ANAPC5: variants seen among roughly 807,000 people sequenced by gnomAD.
ANAPC5 encodes the protein anaphase promoting complex subunit 5, also known as anaphase-promoting complex subunit 5.
Under a neutral mutation model 91.3 loss-of-function variants are expected in ANAPC5, and 60 were observed. The observed-to-expected ratio is 0.66, with a 90% CI of 0.53 to 0.81. The LOEUF (loss-of-function observed/expected upper bound fraction) is 0.81. Ranked by LOEUF, ANAPC5 falls within the 40% of genes least tolerant of loss-of-function variation. The pLI, the probability that ANAPC5 is intolerant of heterozygous loss-of-function variation, is 0.00. For synonymous variants in ANAPC5, 340 were observed against 364.1 expected (o/e 0.93, Z 0.75); for missense variants, 690 against 931.5 (o/e 0.74, Z 3.37).
intron 15 of ANAPC5, among the ~76,000 whole-genome samples, chr12:121,316,121 A>C (rs1379213411): frequency 2.0e-5 from 3 of 152,230 alleles, no homozygotes; most frequent in Admixed American, 6.5e-5. Flanking sequence ...TTAGTTAAAA[A>C]ACAGGTAAAG....
chr12:121,337,558 C>T (rs1289510329), intron 5 of ANAPC5, among the ~76,000 whole-genome samples, 166 bp from the exon 6 acceptor site: 3 of 152,182 alleles, frequency 2.0e-5, no homozygotes, highest in African/African-American at 7.2e-5. Context: ...CTAGGTAACA[C>T]TGAAGGTGGA....
chr12:121,320,159 G>C lies in ANAPC5; in HGVS notation c.1515+226C>G, dbSNP rs2948129. ...ATTTGGTATTTATCATTCTCATTCA[G>C]GTTTTTTATACTTTTACAACATATA... On this transcript the variant is annotated intron_variant, in intron 12 of 16. Transcript: ENST00000261819. Among the ~76,000 whole-genome samples, 76 of 151,944 alleles carry C rather than the reference G, an allele frequency of 5.0e-4. 1 individual carries two copies. The East Asian group carries it at 0.014, about 28-fold the overall frequency.
chr12:121,334,607 C>T (rs1267469368), intron 7 of ANAPC5: 3 of 152,122 alleles, frequency 2.0e-5, no homozygotes, highest in Admixed American at 2.0e-4. Context: ...TTTACTAAAA[C>T]ATAATTGATC....
At chr12:121,337,139 A>C (rs1449544276) in intron 6 of ANAPC5, 152 bp downstream of exon 6, 1 of 549,892 alleles carries the variant, frequency 1.8e-6, no homozygotes, top group African/African-American at 1.9e-5. Flanking sequence ...AATCACTTGA[A>C]CCAGGGAGTC....
At chr12:121,334,882 CTGT>C (rs1243484704) in intron 7 of ANAPC5, 4 of 152,088 alleles carry the variant, frequency 2.6e-5, no homozygotes, top group Non-Finnish European at 4.4e-5. Flanking sequence ...ACTGAACGGC[CTGT>C]TGTTCTTAGA....
At position 121,342,854 on chromosome 12, in the gene ANAPC5, TCTCAAAAAGAAAAG is replaced by T. The variant is rs1903513143; in HGVS notation, c.591-799_591-786del. Reference sequence around the variant, plus strand: ...AGCCTGGCGGCAGAGCGAGACTTCATCTCAAAAAGAAAAGATCACAAAAAGAAAACAATTGAAAT... The same window carrying T: ...AGCCTGGCGGCAGAGCGAGACTTCATATCACAAAAAGAAAACAATTGAAAT... On this transcript the variant is annotated intron_variant, in intron 4 of 16. Coordinates refer to ENST00000261819, the MANE Select transcript of ANAPC5 (RefSeq NM_016237.5). The surrounding 1 kb of genome is among the most constrained non-coding windows in gnomAD (Gnocchi z 4.1). 6.6e-6 allele frequency among the ~76,000 whole-genome samples: 1 copy of T among 152,054 alleles called. No individual in the cohort carries two copies. The highest frequency in any genetic ancestry group is 2.4e-5 in the African/African-American group (1 of 41,420).
intron 1 of ANAPC5, among the ~76,000 whole-genome samples, chr12:121,351,453 G>C (rs1283019450): frequency 1.3e-5 from 2 of 151,668 alleles, no homozygotes; most frequent in African/African-American, 4.9e-5. Context: ...GCTCGTCCTT[G>C]GCTTTATGCC....
chr12:121,343,325 G>A (rs1229637892), intron 4 of ANAPC5, among the ~76,000 whole-genome samples: 3 of 152,178 alleles, frequency 2.0e-5, no homozygotes, highest in Non-Finnish European at 2.9e-5. Flanking sequence ...AAAAGAGAAA[G>A]TAGAGAATAA....
chr12:121,333,747 C>T (rs1305865693), intron 7 of ANAPC5: 1 of 152,224 alleles, frequency 6.6e-6, no homozygotes, highest in Non-Finnish European at 1.5e-5. Context: ...CCTACACTTA[C>T]TTACCAGCTC....
chr12:121,344,385 C>G (rs1249749679), intron 4 of ANAPC5, among the ~76,000 whole-genome samples: 1 of 152,106 alleles, frequency 6.6e-6, no homozygotes, highest in East Asian at 1.9e-4. Flanking sequence ...TTGAGACCAG[C>G]CTGGCCAACA....
chr12:121,331,514 A>T, intron 7 of ANAPC5, 86 bp from the exon 8 acceptor site: 8 of 1,114,826 alleles, frequency 7.2e-6, no homozygotes, highest in Non-Finnish European at 1.0e-5. Flanking sequence ...GTACACAGTC[A>T]TCCAAATGCA....
At chr12:121,333,428 T>C (rs1351131999) in intron 7 of ANAPC5, 1 of 152,168 alleles carries the variant, frequency 6.6e-6, no homozygotes, top group African/African-American at 2.4e-5. Context: ...AAATAGGTTA[T>C]TGGTAAATAT....
Position 121,308,525 on chromosome 12 carries a change from A to G in ANAPC5, c.2223T>C (p.His741=). The change falls in exon 17 of 17, where the codon CAT becomes CAC. Residue 741 remains histidine, a synonymous_variant. Transcript: ENST00000261819. Reference sequence around the variant, plus strand: ...GTACCCCATGAGAGGGCAGCTCCTGATGCAGCTGCCGGAAGAGCATCGCAC... The same window carrying G: ...GTACCCCATGAGAGGGCAGCTCCTGGTGCAGCTGCCGGAAGAGCATCGCAC... ...NRCAMLFRQL[H]QELPSHGVPL... 6.2e-7 allele frequency: 1 copy of G among 1,614,128 alleles called. No individual in the cohort carries two copies. Among genetic ancestry groups the G allele is most frequent in the East Asian group, 2.2e-5 (1 of 44,862 alleles).
At chr12:121,325,580 A>G (rs1902782869) in intron 11 of ANAPC5, among the ~76,000 whole-genome samples, 1 of 152,104 alleles carries the variant, frequency 6.6e-6, no homozygotes, top group Admixed American at 6.5e-5. Flanking sequence ...AAAAAAAAAT[A>G]ATTTCGCCAG....
At chr12:121,328,026 G>A (rs1322888333) in intron 10 of ANAPC5, 4 of 274,222 alleles carry the variant, frequency 1.5e-5, no homozygotes, top group Non-Finnish European at 1.4e-5. Flanking sequence ...CTGCGTTTGC[G>A]ATCGCGGGTA....
chr12:121,337,735 G>A (rs976231451), intron 5 of ANAPC5, among the ~76,000 whole-genome samples: 2 of 152,118 alleles, frequency 1.3e-5, no homozygotes, highest in African/African-American at 4.8e-5. Flanking sequence ...CCTTCTAGAT[G>A]AAGGTGAGAT....
At chr12:121,312,968 G>A (rs1902228484) in intron 15 of ANAPC5, among the ~76,000 whole-genome samples, 1 of 152,080 alleles carries the variant, frequency 6.6e-6, no homozygotes, top group South Asian at 2.1e-4. Context: ...ATTTATAACT[G>A]TAAAGGCCTA....
chr12:121,327,103 G>T lies in ANAPC5; in HGVS notation c.1433C>A (p.Ala478Glu). 6.2e-7 allele frequency: 1 copy of T among 1,602,862 alleles called. No homozygotes were observed. The highest frequency in any genetic ancestry group is 1.3e-5 in the African/African-American group (1 of 74,716). The change falls in exon 11 of 17, where the codon GCG (alanine) becomes GAG (glutamate). Residue 478 changes from alanine to glutamate, a missense_variant. Transcript: ENST00000261819. ...GCCCGGCCACCTGCCTACCTGCTCC[G>T]CGTGTAGCTCTGCGAGGTGGCAGAG... ...VALCHLAELH[A>E]EQGCFAAASE...
At chr12:121,348,809 G>A (rs1903771157) in intron 1 of ANAPC5, among the ~76,000 whole-genome samples, 1 of 152,130 alleles carries the variant, frequency 6.6e-6, no homozygotes, top group South Asian at 2.1e-4. Context: ...CTTTAGATGT[G>A]GATAACCCAG....
Sources: gnomAD v4.1 joint callset for allele counts (sites outside exome capture counted in the v4.1 genomes callset) on GRCh38, gnomAD v4.1.1 for gene constraint, Gnocchi (gnomAD v3.1) non-coding constraint, MANE v1.5 for transcripts, NCBI Gene and HGNC (gene_info 2026-07-23, HGNC 2026-07-21) for gene names.